PTPRG: variants seen among roughly 807,000 people sequenced by gnomAD.
PTPRG encodes protein tyrosine phosphatase receptor type G.
In PTPRG, 102 loss-of-function variants were observed where a neutral mutation model predicts 165.3. That is an observed-to-expected ratio of 0.62 (90% CI 0.53 to 0.73). PTPRG has a LOEUF of 0.73. Ranked by LOEUF, PTPRG falls within the 30% of genes least tolerant of loss-of-function variation. The pLI, the probability that PTPRG is intolerant of heterozygous loss-of-function variation, is 0.00. For missense variants in PTPRG, 1,866 were observed against 1,861.4 expected (o/e 1.00, Z -0.05); for synonymous variants, 675 against 669.5 (o/e 1.01, Z -0.13).
intron 1 of PTPRG, among the ~76,000 whole-genome samples, chr3:61,574,421 C>G (rs1439685346): frequency 1.3e-5 from 2 of 152,196 alleles, no homozygotes; most frequent in African/African-American, 4.8e-5. Flanking sequence ...GAACACATTG[C>G]TAGTCAATGC....
intron 1 of PTPRG, among the ~76,000 whole-genome samples, chr3:61,715,214 T>C (rs993148129): frequency 1.8e-4 from 28 of 151,752 alleles, no homozygotes; most frequent in African/African-American, 6.5e-4. Context: ...AGGAGCTTAT[T>C]TTTTTGTTTG....
In PTPRG at chr3:62,189,666, G is replaced by A. The variant is rs575148390; in HGVS notation, c.1034-1803G>A. ...ATTCCTCCCTGGTCTTCCAGCAATT[G>A]GCCATTGCCGCCCCTCCTCACAGGC... On this transcript the variant is annotated intron_variant, in intron 8 of 29. Coordinates refer to ENST00000474889, the MANE Select transcript of PTPRG (RefSeq NM_002841.4). 3.3e-5 allele frequency among the ~76,000 whole-genome samples: 5 copies of A among 152,246 alleles called. 1 individual carries two copies. The South Asian group carries it at 1.0e-3, about 32-fold the overall frequency.
intron 2 of PTPRG, among the ~76,000 whole-genome samples, chr3:61,837,576 T>C (rs554791924): frequency 2.0e-5 from 3 of 152,286 alleles, no homozygotes; most frequent in South Asian, 2.1e-4. Context: ...ATCAGCAGCA[T>C]TGATTGAACA....
intron 4 of PTPRG, among the ~76,000 whole-genome samples, chr3:62,056,998 G>A (rs1009334858): frequency 2.6e-5 from 4 of 152,220 alleles, no homozygotes; most frequent in Admixed American, 1.3e-4. Flanking sequence ...TTTACAAAGC[G>A]AGATAGTGGC....
At chr3:62,134,440 G>T (rs748063767) in intron 6 of PTPRG, among the ~76,000 whole-genome samples, 2 of 152,166 alleles carry the variant, frequency 1.3e-5, no homozygotes, top group South Asian at 4.1e-4. Context: ...AGTCTGCCTG[G>T]TATGCAGCCC....
intron 4 of PTPRG, among the ~76,000 whole-genome samples, chr3:62,071,288 C>A (rs1328850512): frequency 6.6e-6 from 1 of 152,098 alleles, no homozygotes; most frequent in Non-Finnish European, 1.5e-5. Flanking sequence ...GGAAATAAAA[C>A]GTAGAGCTTT....
chr3:61,786,054 A>C (rs1349178805), intron 2 of PTPRG, among the ~76,000 whole-genome samples: 2 of 152,220 alleles, frequency 1.3e-5, no homozygotes, highest in Non-Finnish European at 2.9e-5. Context: ...AAGCCACCTT[A>C]AATGAACATC....
intron 1 of PTPRG, among the ~76,000 whole-genome samples, chr3:61,726,514 G>T (rs1266241920): frequency 6.6e-6 from 1 of 152,116 alleles, no homozygotes; most frequent in Non-Finnish European, 1.5e-5. Context: ...AAATATAATT[G>T]TAAGTAGGCA....
chr3:61,747,597 TTTAA>T (rs986477278), intron 1 of PTPRG, among the ~76,000 whole-genome samples: 4 of 152,012 alleles, frequency 2.6e-5, no homozygotes, highest in African/African-American at 9.7e-5. Context: ...TGCTAGTCTT[TTTAA>T]TTGAAGTGTA....
At chr3:61,956,495 G>T (rs2040033751) in intron 2 of PTPRG, among the ~76,000 whole-genome samples, 3 of 152,124 alleles carry the variant, frequency 2.0e-5, no homozygotes, top group African/African-American at 7.2e-5. Flanking sequence ...GTCAGTTCCA[G>T]TTTGGTTAGT....
At chr3:62,074,352 C>CTTTCTTTCTTTTTTTTTTTTT (rs1701310935) in intron 4 of PTPRG, among the ~76,000 whole-genome samples, 1 of 109,114 alleles carries the variant, frequency 9.2e-6, no homozygotes, top group African/African-American at 3.8e-5. Context: ...TCTTTTCTTT[C>CTTTCTTTCTTTTTTTTTTTTT]TTTTTTTTTT....
At chr3:61,920,064 G>A (rs1191350912) in intron 2 of PTPRG, among the ~76,000 whole-genome samples, 1 of 152,206 alleles carries the variant, frequency 6.6e-6, no homozygotes, top group African/African-American at 2.4e-5. Context: ...ATACTATTGT[G>A]GAGGAGGAAG....
intron 1 of PTPRG, among the ~76,000 whole-genome samples, chr3:61,642,345 A>G (rs1575558457): frequency 6.6e-6 from 1 of 152,146 alleles, no homozygotes; most frequent in South Asian, 2.1e-4. Flanking sequence ...TTTGCTGCTC[A>G]TATGCGAGGA....
chr3:61,872,947 GA>G (rs933023806), intron 2 of PTPRG, among the ~76,000 whole-genome samples: 9 of 152,064 alleles, frequency 5.9e-5, no homozygotes, highest in Admixed American at 5.2e-4. Flanking sequence ...GATCCATCTA[GA>G]AAAAAATCTA....
chr3:62,090,938 C>T (rs1214817572), intron 5 of PTPRG, among the ~76,000 whole-genome samples: 1 of 152,176 alleles, frequency 6.6e-6, no homozygotes, highest in Non-Finnish European at 1.5e-5. Context: ...ACTTCAATCC[C>T]TTTGTCCATA....
intron 17 of PTPRG, among the ~76,000 whole-genome samples, chr3:62,264,931 T>C (rs1405541798): frequency 6.6e-6 from 1 of 151,332 alleles, no homozygotes; most frequent in East Asian, 1.9e-4. Context: ...GGGTCCAGTG[T>C]TTCCACATCC....
At chr3:62,068,476 G>C (rs1214764401) in intron 4 of PTPRG, among the ~76,000 whole-genome samples, 2 of 152,092 alleles carry the variant, frequency 1.3e-5, no homozygotes, top group African/African-American at 4.8e-5. Flanking sequence ...GTTTTGGTTT[G>C]TTTGTTTGTT....
At chr3:61,887,009 C>T (rs914673021) in intron 2 of PTPRG, among the ~76,000 whole-genome samples, 3 of 150,148 alleles carry the variant, frequency 2.0e-5, no homozygotes, top group East Asian at 2.0e-4. Flanking sequence ...ATCTTGTGTG[C>T]GCTACTAATA....
intron 6 of PTPRG, among the ~76,000 whole-genome samples, chr3:62,148,181 TG>T (rs1704191918): frequency 6.6e-6 from 1 of 151,804 alleles, no homozygotes; most frequent in African/African-American, 2.4e-5. Context: ...CATACTGAGA[TG>T]GGGGGCTCAG....
Sources: gnomAD v4.1 joint callset for allele counts (sites outside exome capture counted in the v4.1 genomes callset) on GRCh38, gnomAD v4.1.1 for gene constraint, MANE v1.5 for transcripts, NCBI Gene and HGNC (gene_info 2026-07-23, HGNC 2026-07-21) for gene names.